The following LGALS9C variants were observed in gnomAD, a reference collection of about 807,000 sequenced individuals.
LGALS9C encodes the protein galectin-9C.
A neutral mutation model predicts 41.3 loss-of-function variants in LGALS9C; 7 were observed. That is an observed-to-expected ratio of 0.17 (90% CI 0.10 to 0.32). LGALS9C has a LOEUF of 0.32. Among genes scored for constraint, LGALS9C ranks in the 10% least tolerant of loss-of-function variants. The pLI, the probability that LGALS9C is intolerant of heterozygous loss-of-function variation, is 1.00. For missense variants in LGALS9C, 102 were observed against 455.2 expected (o/e 0.22, Z 7.06); for synonymous variants, 44 against 171.0 (o/e 0.26, Z 5.80).
chr17:18,481,955 A>G (rs1989403044), intron 1 of LGALS9C, among the ~76,000 whole-genome samples: 3 of 147,652 alleles, frequency 2.0e-5, no homozygotes, highest in African/African-American at 7.3e-5. Context: ...AAATTCAAAC[A>G]TGCAGAGAGA....
At position 18,488,945 on chromosome 17, in the gene LGALS9C, C is replaced by T. The variant is rs1989701672; in HGVS notation, c.449C>T (p.Pro150Leu). Reference sequence around the variant, plus strand: ...CGGTGCCTTTTGTTTTAACAGAATCCCCGCGCAGTCCCCGTTCAGCCTGCC... The same window carrying T: ...CGGTGCCTTTTGTTTTAACAGAATCTCCGCGCAGTCCCCGTTCAGCCTGCC... ...VQLSYISFQNPRAVPVQPAFS... is the reference protein window; with the variant it reads ...VQLSYISFQNLRAVPVQPAFS... Residue 150 changes from proline (P) to leucine (L), a missense_variant, in exon 5 of 11, where the codon CCC becomes CTC. Physicochemically the swap from Pro to Leu is moderately conservative, Grantham distance 98. Coordinates refer to ENST00000328114, the MANE Select transcript of LGALS9C (RefSeq NM_001040078.3). 4.7e-6 allele frequency: 7 copies of T among 1,505,316 alleles called. 2 individuals carry two copies. The highest frequency in any genetic ancestry group is 6.4e-6 in the Non-Finnish European group (7 of 1,094,122). 93.2% of individuals were successfully genotyped at this position (1,505,316 alleles called of 1,614,324 possible). A position where few individuals can be genotyped will look rare whatever the true frequency, so the allele number is the denominator to read the frequency against.
intron 1 of LGALS9C, among the ~76,000 whole-genome samples, chr17:18,480,913 C>T (rs1450972747): frequency 3.5e-4 from 50 of 144,186 alleles, no homozygotes; most frequent in African/African-American, 1.2e-3. Context: ...CCCAGGTGTT[C>T]AAGACCAGCC....
At chr17:18,492,268 A>G (rs1295311664) in intron 8 of LGALS9C, 189 bp from the exon 9 acceptor site, 1 of 685,054 alleles carries the variant, frequency 1.5e-6, no homozygotes, top group East Asian at 2.7e-5. Context: ...CTTTCATGAC[A>G]CTAATCTAAG....
At chr17:18,485,104 T>C (rs1464794992) in intron 2 of LGALS9C, among the ~76,000 whole-genome samples, 1 of 129,870 alleles carries the variant, frequency 7.7e-6, no homozygotes, top group Non-Finnish European at 1.9e-5. Flanking sequence ...GCCACAGGAA[T>C]GAAGCTGAAG....
chr17:18,494,501 C>T lies in LGALS9C; in HGVS notation c.*134C>T. On this transcript the variant is annotated 3_prime_UTR_variant, in exon 11 of 11. Coordinates refer to ENST00000328114, the MANE Select transcript of LGALS9C (RefSeq NM_001040078.3). ...TTTAATGCAGAGGCCATGTCCTTAT[C>T]TGGTCCTGCTTCTGGCTACAGCCAC... The T allele has an allele frequency of 6.8e-6, 7 of 1,026,796 alleles. No homozygotes were observed. Among genetic ancestry groups the T allele is most frequent in the Non-Finnish European group, 9.9e-6 (7 of 708,238 alleles). The allele number at this position is 1,026,796 out of a possible 1,614,324, so 63.6% of individuals were successfully genotyped here.
rs190754346 is a variant in LGALS9C at position 18,477,836 on chromosome 17, T to C, written c.39+943T>C. On this transcript the variant is annotated intron_variant, in intron 1 of 10. Coordinates refer to ENST00000328114, the MANE Select transcript of LGALS9C (RefSeq NM_001040078.3). ...TCCCGAGGGGCTGGAGTGGGTGGGC[T>C]GATGGGCCCTTCCTGAGTGGGGAGG... is the stretch of plus-strand genomic sequence containing the variant. Among the ~76,000 whole-genome samples, 251 of 126,604 alleles carry C rather than the reference T, an allele frequency of 2.0e-3. 10 individuals are homozygous for C. The highest frequency in any genetic ancestry group is 5.9e-3 in the African/African-American group (229 of 38,854). 83.1% of individuals were successfully genotyped at this position (126,604 alleles called of 152,430 possible).
At chr17:18,488,279 G>T (rs1290376860) in intron 4 of LGALS9C, among the ~76,000 whole-genome samples, 3 of 117,960 alleles carry the variant, frequency 2.5e-5, no homozygotes, top group African/African-American at 8.2e-5. Flanking sequence ...CAGGGTCTGT[G>T]TGACCTCTGT....
intron 3 of LGALS9C, among the ~76,000 whole-genome samples, chr17:18,487,107 T>C (rs1197945945): frequency 1.4e-5 from 2 of 140,480 alleles, no homozygotes; most frequent in Non-Finnish European, 3.2e-5. Context: ...GGAGGACAGA[T>C]GGCTTGAGGT....
chr17:18,488,302 TTGAA>T (rs1340964864), intron 4 of LGALS9C, among the ~76,000 whole-genome samples: 4 of 111,774 alleles, frequency 3.6e-5, no homozygotes, highest in Admixed American at 8.8e-5. Context: ...TTTAAAAACT[TTGAA>T]TGCGTTGCCA....
chr17:18,477,914 G>A (rs1298828647), intron 1 of LGALS9C, among the ~76,000 whole-genome samples: 1 of 128,376 alleles, frequency 7.8e-6, no homozygotes, highest in African/African-American at 2.6e-5. Flanking sequence ...GAAGCTGCCA[G>A]GGGCCACCTC....
chr17:18,492,840 TC>T lies in LGALS9C; in HGVS notation c.907del (p.Arg303GlufsTer32). 6.7e-7 allele frequency: 1 copy of T among 1,500,160 alleles called. No homozygotes were observed. The highest frequency in any genetic ancestry group is 9.2e-7 in the Non-Finnish European group (1 of 1,090,976). The allele number at this position is 1,500,160 out of a possible 1,614,324, so 92.9% of individuals were successfully genotyped here. ...AGTCTGCCCCGAAAAATGCCCTTCGTCCGAGGCCAGAGCTTCTCGGTAAGGC... is the reference window on the plus strand; with the variant it reads ...AGTCTGCCCCGAAAAATGCCCTTCGTCGAGGCCAGAGCTTCTCGGTAAGGC... ...ERSLPRKMPF[V>X]RGQSFSVWIL... is the part of the protein sequence containing the mutation. On this transcript the variant is annotated frameshift_variant, in exon 10 of 11. Coordinates refer to ENST00000328114, the MANE Select transcript of LGALS9C (RefSeq NM_001040078.3). LOFTEE classifies it high-confidence loss of function.
rs1481940087 is a variant in LGALS9C at position 18,480,226 on chromosome 17, A to C, written c.39+3333A>C. ...CCTGTCTCAAAAAAAAAAAAAAAAA[A>C]CACAACAAACAAACAAACAAAACCC... On this transcript the variant is annotated intron_variant, in intron 1 of 10. Coordinates refer to ENST00000328114, the MANE Select transcript of LGALS9C (RefSeq NM_001040078.3). Among the ~76,000 whole-genome samples, 543 of 124,240 alleles carry C rather than the reference A, an allele frequency of 4.4e-3. 53 individuals carry two copies. Among genetic ancestry groups the C allele is most frequent in the East Asian group, 8.2e-3 (42 of 5,104 alleles). The allele number at this position is 124,240 out of a possible 152,430, so 81.5% of individuals were successfully genotyped here. A position where few individuals can be genotyped will look rare whatever the true frequency, so the allele number is the denominator to read the frequency against.
intron 1 of LGALS9C, among the ~76,000 whole-genome samples, chr17:18,478,005 G>A (rs1199478679): frequency 8.0e-6 from 1 of 124,652 alleles, no homozygotes; most frequent in African/African-American, 2.6e-5. Flanking sequence ...GGTCTGCAGA[G>A]CTCAGCTCTG....
chr17:18,478,313 G>A (rs1405428199), intron 1 of LGALS9C, among the ~76,000 whole-genome samples: 1 of 124,924 alleles, frequency 8.0e-6, no homozygotes, highest in African/African-American at 2.6e-5. Flanking sequence ...GGATTCAGAA[G>A]GAAAATCCTC....
Position 18,494,681 on chromosome 17 carries a change from C to T in LGALS9C, c.*314C>T, listed in dbSNP as rs1469865221. On this transcript the variant is annotated 3_prime_UTR_variant, in exon 11 of 11. Transcript: ENST00000328114. Reference sequence around the variant, plus strand: ...AAGATGAAGCCCCATGCTCAGTCCCCTCCCATCCCCCACGCAGCTCCACCC... The same window carrying T: ...AAGATGAAGCCCCATGCTCAGTCCCTTCCCATCCCCCACGCAGCTCCACCC... 7 of 432,928 alleles carry T rather than the reference C, an allele frequency of 1.6e-5. No individual in the cohort carries two copies. Among genetic ancestry groups the T allele is most frequent in the Non-Finnish European group, 2.2e-5 (5 of 226,966 alleles). The allele number at this position is 432,928 out of a possible 1,614,324, so 26.8% of individuals were successfully genotyped here.
At chr17:18,481,807 G>A in intron 1 of LGALS9C, among the ~76,000 whole-genome samples, 1 of 137,150 alleles carries the variant, frequency 7.3e-6, no homozygotes, top group Non-Finnish European at 1.7e-5. Context: ...CACTGAGCTA[G>A]GATGGGTTTC....
intron 1 of LGALS9C, among the ~76,000 whole-genome samples, chr17:18,479,360 G>A (rs1328135909): frequency 3.1e-5 from 4 of 129,956 alleles, no homozygotes; most frequent in Admixed American, 3.0e-4. Flanking sequence ...CTCAGCACAT[G>A]GCATCGCACC....
In LGALS9C at chr17:18,491,286, T is replaced by A. The variant is rs1163783909; in HGVS notation, c.590T>A (p.Ile197Asn). Residue 197 changes from isoleucine (I) to asparagine (N), a missense_variant, in exon 7 of 11, where the codon ATC (isoleucine) becomes AAC (asparagine). Physicochemically the swap from Ile to Asn is moderately radical, Grantham distance 149. Coordinates refer to ENST00000328114, the MANE Select transcript of LGALS9C (RefSeq NM_001040078.3). The stretch of plus-strand genomic sequence containing the variant: ...TCTTTCTTCCAGACCCAGACAGTCA[T>A]CCACACGGTGCAGAGTGCCTCTGGA... ...ANPAPITQTV[I>N]HTVQSASGQM... The A allele has an allele frequency of 2.0e-6, 3 of 1,486,382 alleles. 1 individual carries two copies. The South Asian group carries it at 3.6e-5, about 18-fold the overall frequency. 92.1% of individuals were successfully genotyped at this position (1,486,382 alleles called of 1,614,324 possible).
chr17:18,483,404 G>T (rs538906690), intron 1 of LGALS9C, among the ~76,000 whole-genome samples: 1 of 114,078 alleles, frequency 8.8e-6, no homozygotes, highest in African/African-American at 2.8e-5. Context: ...GACCCTTGAT[G>T]GGCCCCTTTG....
Sources: allele counts gnomAD v4.1 joint callset (sites outside exome capture counted in the v4.1 genomes callset), GRCh38; gene constraint gnomAD v4.1.1; transcripts MANE v1.5; gene names NCBI Gene and HGNC (gene_info 2026-07-23, HGNC 2026-07-21).